H2AZ1: variants seen among roughly 807,000 people sequenced by gnomAD.
H2AZ1 encodes the protein histone H2A.Z.
H2AZ1 carries 3 observed loss-of-function variants against 16.6 expected under a neutral mutation model. That is an observed-to-expected ratio of 0.18 (90% confidence interval 0.08 to 0.47). The LOEUF is 0.47. Among genes scored for constraint, H2AZ1 ranks in the 20% least tolerant of loss-of-function variants. The probability of loss-of-function intolerance (pLI) is 0.98; values close to 1 mark genes in which losing one functional copy is unlikely to be tolerated. For synonymous variants in H2AZ1, 78 were observed against 60.7 expected (o/e 1.28, Z -1.32); for missense variants, 27 against 163.6 (o/e 0.17, Z 4.55).
chr4:99,948,585 C>T, intron 4 of H2AZ1, 62 bp from the exon 5 acceptor site: 1 of 1,597,668 alleles, frequency 6.3e-7, no homozygotes. Context: ...GTATTTGAAA[C>T]CAAGAAAGTG....
intron 2 of H2AZ1, 39 bp from the exon 3 acceptor site, chr4:99,949,425 A>G (rs748672088): frequency 4.5e-6 from 6 of 1,320,416 alleles, no homozygotes; most frequent in Non-Finnish European, 6.6e-6. Flanking sequence ...ATGCACAAAA[A>G]TGAGAACTAG....
chr4:99,949,644 T>A lies in H2AZ1; in HGVS notation c.81+19A>T, dbSNP rs752141827. 6.2e-7 allele frequency: 1 copy of A among 1,608,662 alleles called. No homozygotes were observed. The highest frequency in any genetic ancestry group is 8.5e-7 in the Non-Finnish European group (1 of 1,175,090). On this transcript the variant is annotated intron_variant, in intron 2 of 4. Coordinates refer to ENST00000296417, the MANE Select transcript of H2AZ1 (RefSeq NM_002106.4). Reference sequence around the variant, plus strand: ...AAGAAAAACATCATGACTCCCAGACTGCACGAACAACTACTGACCTGCAAG... The same window carrying A: ...AAGAAAAACATCATGACTCCCAGACAGCACGAACAACTACTGACCTGCAAG...
chr4:99,949,836 G>T, intron 1 of H2AZ1, 96 bp from the exon 2 acceptor site: 1 of 971,326 alleles, frequency 1.0e-6, no homozygotes, highest in Non-Finnish European at 1.5e-6. Flanking sequence ...GTCCCGCCGC[G>T]AGCGCGTCCC....
In H2AZ1 at chr4:99,949,548, C is replaced by A. The variant is rs1445224694; in HGVS notation, c.81+115G>T. On this transcript the variant is annotated intron_variant, in intron 2 of 4. Transcript: ENST00000296417. Reference sequence around the variant, plus strand: ...TATTTATCGTATGGGCAGCCCAAGTCGCGACACCGCATCACCCACGCATAC... The same window carrying A: ...TATTTATCGTATGGGCAGCCCAAGTAGCGACACCGCATCACCCACGCATAC... 3 of 1,101,740 alleles carry A rather than the reference C, an allele frequency of 2.7e-6. No homozygotes were observed. In the South Asian group the frequency reaches 3.7e-5, roughly 14 times the overall value. 68.2% of individuals were successfully genotyped at this position (1,101,740 alleles called of 1,614,324 possible).
chr4:99,950,014 G>T, intron 1 of H2AZ1, 154 bp downstream of exon 1: 1 of 643,532 alleles, frequency 1.6e-6, no homozygotes. Flanking sequence ...AGGCTGCTCC[G>T]CTAGCAGCCG....
chr4:99,948,236 A>G lies in H2AZ1; in HGVS notation c.*226T>C. The G allele has an allele frequency of 2.9e-6, 2 of 695,174 alleles. No homozygotes were observed. Among genetic ancestry groups the G allele is most frequent in the Non-Finnish European group, 5.3e-6 (2 of 379,306 alleles). 43.1% of individuals were successfully genotyped at this position (695,174 alleles called of 1,614,324 possible). A position where few individuals can be genotyped will look rare whatever the true frequency, so the allele number is the denominator to read the frequency against. On this transcript the variant is annotated 3_prime_UTR_variant, in exon 5 of 5. Transcript: ENST00000296417. ...CAACTCAATCAAAACCCACTACTTC[A>G]GAATCAATAGCTTCTTTGAAGCCAC... is the stretch of plus-strand genomic sequence containing the variant.
intron 3 of H2AZ1, 38 bp downstream of exon 3, chr4:99,949,235 C>T (rs780631013): frequency 1.1e-5 from 14 of 1,287,352 alleles, no homozygotes; most frequent in African/African-American, 5.9e-5. Context: ...TCCCCGCCCC[C>T]CAAACCTTCT....
rs772770726 is a variant in H2AZ1, at chr4:99,948,420, G to A, written c.*42C>T. 1 of 1,079,232 alleles carries A rather than the reference G, an allele frequency of 9.3e-7. No homozygotes were observed. Among genetic ancestry groups the A allele is most frequent in the Non-Finnish European group, 1.4e-6 (1 of 692,354 alleles). The allele number at this position is 1,079,232 out of a possible 1,614,324, so 66.9% of individuals were successfully genotyped here. ...AATCACCAACACTGGACAGCTGTTA[G>A]AGTATTTAGAGTCCTGAGATAACAA... On this transcript the variant is annotated 3_prime_UTR_variant, in exon 5 of 5. Coordinates refer to ENST00000296417, the MANE Select transcript of H2AZ1 (RefSeq NM_002106.4).
chr4:99,949,236 C>CA (rs1560755889), intron 3 of H2AZ1, 37 bp downstream of exon 3: 1 of 1,294,830 alleles, frequency 7.7e-7, no homozygotes, highest in East Asian at 2.3e-5. Flanking sequence ...CCCCGCCCCC[C>CA]AAACCTTCTC....
chr4:99,949,797 GGCGGCGCGCCCATCCCCCACC>G, intron 1 of H2AZ1, 57 bp from the exon 2 acceptor site: 1 of 1,384,534 alleles, frequency 7.2e-7, no homozygotes, highest in Non-Finnish European at 9.9e-7. Context: ...GAATTACCAA[GGCGGCGCGCCCATCCCCCACC>G]GCGGCGCGTC....
Position 99,948,294 on chromosome 4 carries a change from C to T in H2AZ1, c.*168G>A. The T allele has an allele frequency of 2.8e-6, 2 of 723,570 alleles. No homozygotes were observed. 44.8% of individuals were successfully genotyped at this position (723,570 alleles called of 1,614,324 possible). A position where few individuals can be genotyped will look rare whatever the true frequency, so the allele number is the denominator to read the frequency against. The stretch of plus-strand genomic sequence containing the variant: ...CTTAAATATGGTTAAGACTCGAATG[C>T]AGAAATTTGGTTGGTTGGAAAGCTA... On this transcript the variant is annotated 3_prime_UTR_variant, in exon 5 of 5. Coordinates refer to ENST00000296417, the MANE Select transcript of H2AZ1 (RefSeq NM_002106.4).
intron 1 of H2AZ1, 141 bp downstream of exon 1, chr4:99,950,027 A>G: frequency 1.3e-6 from 1 of 745,786 alleles, no homozygotes. Context: ...AGCAGCCGAC[A>G]AAACACCTCC....
chr4:99,948,699 A>C, intron 4 of H2AZ1, 112 bp downstream of exon 4: 1 of 1,463,754 alleles, frequency 6.8e-7, no homozygotes, highest in Non-Finnish European at 9.2e-7. Flanking sequence ...ATACAACCAT[A>C]CTTCCATCAT....
chr4:99,949,466 A>C (rs1560756020), intron 2 of H2AZ1, 80 bp from the exon 3 acceptor site: 1 of 1,072,422 alleles, frequency 9.3e-7, no homozygotes, highest in Non-Finnish European at 1.4e-6. Flanking sequence ...CGCCAAAGCA[A>C]GGGGCACGGG....
intron 1 of H2AZ1, 117 bp downstream of exon 1, chr4:99,950,051 A>T: frequency 1.0e-6 from 1 of 1,003,460 alleles, no homozygotes. Context: ...CACTCTTCTA[A>T]ATCCTGTCTC....
Position 99,949,312 on chromosome 4 carries a change from A to G in H2AZ1, c.156T>C (p.Ala52=), listed in dbSNP as rs1340684764. ...ACTCCAGGATGGCTGCGCTGTACAC[A>G]GCGGCAGTCGCGCCCACACGTCCAT... ...TSHGRVGATA[A]VYSAAILEYL... is the part of the protein sequence containing the mutation. Residue 52 remains alanine (A), a synonymous_variant, in exon 3 of 5, where the codon GCT becomes GCC. Transcript: ENST00000296417. 1.9e-6 allele frequency: 3 copies of G among 1,612,644 alleles called. No individual in the cohort carries two copies. The highest frequency in any genetic ancestry group is 2.5e-6 in the Non-Finnish European group (3 of 1,179,162).
At chr4:99,949,081 C>T (rs1170208241) in intron 3 of H2AZ1, 141 bp from the exon 4 acceptor site, 1 of 699,696 alleles carries the variant, frequency 1.4e-6, no homozygotes, top group Non-Finnish European at 2.6e-6. Context: ...AGGGGGCACG[C>T]AATTTTAATT....
Position 99,948,226 on chromosome 4 carries a change from C to T in H2AZ1, c.*236G>A. On this transcript the variant is annotated 3_prime_UTR_variant, in exon 5 of 5. Transcript: ENST00000296417. ...TAAAAACAGTCAACTCAATCAAAAC[C>T]CACTACTTCAGAATCAATAGCTTCT... is the stretch of plus-strand genomic sequence containing the variant. 2.9e-6 allele frequency: 2 copies of T among 684,128 alleles called. No homozygotes were observed. The highest frequency in any genetic ancestry group is 3.1e-5 in the South Asian group (2 of 65,206). The allele number at this position is 684,128 out of a possible 1,614,324, so 42.4% of individuals were successfully genotyped here.
chr4:99,950,062 C>G lies in H2AZ1; in HGVS notation c.3+106G>C, dbSNP rs956526565. Reference sequence around the variant, plus strand: ...CCCCCACTCTTCTAAATCCTGTCTCCGCGCGTTCCCAACCGTCGCCACTTC... The same window carrying G: ...CCCCCACTCTTCTAAATCCTGTCTCGGCGCGTTCCCAACCGTCGCCACTTC... On this transcript the variant is annotated intron_variant, in intron 1 of 4. Coordinates refer to ENST00000296417, the MANE Select transcript of H2AZ1 (RefSeq NM_002106.4). 4.6e-6 allele frequency: 5 copies of G among 1,089,508 alleles called. No homozygotes were observed. In the African/African-American group the frequency reaches 7.6e-5, roughly 17 times the overall value. The allele number at this position is 1,089,508 out of a possible 1,614,324, so 67.5% of individuals were successfully genotyped here. A position where few individuals can be genotyped will look rare whatever the true frequency, so the allele number is the denominator to read the frequency against.
Sources: gnomAD v4.1 joint callset for allele counts on GRCh38, gnomAD v4.1.1 for gene constraint, MANE v1.5 for transcripts, NCBI Gene and HGNC (gene_info 2026-07-23, HGNC 2026-07-21) for gene names.